Variants in STX16 observed in about 807,000 individuals in gnomAD.
STX16 encodes syntaxin 16.
Under a neutral mutation model 42.7 loss-of-function variants are expected in STX16, and 28 were observed. The observed-to-expected ratio is 0.66, with a 90% CI of 0.49 to 0.90. The LOEUF (loss-of-function observed/expected upper bound fraction) is 0.90, where lower values mean the gene tolerates loss of function less well. Ranked by LOEUF, STX16 falls within the 40% of genes least tolerant of loss-of-function variation. The probability of loss-of-function intolerance (pLI) is 0.00; values close to 1 mark genes in which losing one functional copy is unlikely to be tolerated. For missense variants in STX16, 361 were observed against 420.9 expected (o/e 0.86, Z 1.24); for synonymous variants, 156 against 155.2 (o/e 1.00, Z -0.04).
rs150415332 is a variant in STX16 at position 58,656,192 on chromosome 20, C to T, written c.133-3431C>T. On this transcript the variant is annotated intron_variant, in intron 1 of 8. Coordinates refer to ENST00000371141, the MANE Select transcript of STX16 (RefSeq NM_001001433.3). ...GTTAGGTGATTTCCAGCAGCCCTAT[C>T]GATTCAACAGTATTTTCTCAAGTTC... Among the ~76,000 whole-genome samples, 80 of 152,278 alleles carry T rather than the reference C, an allele frequency of 5.3e-4. 1 individual carries two copies. In the East Asian group the frequency reaches 0.013, roughly 25 times the overall value.
intron 8 of STX16, among the ~76,000 whole-genome samples, chr20:58,675,315 C>A (rs978434111): frequency 6.6e-6 from 1 of 152,258 alleles, no homozygotes; most frequent in African/African-American, 2.4e-5. Context: ...GCTGTCTCCT[C>A]CTCCCTCCTG....
At chr20:58,669,216 G>T in intron 4 of STX16, 75 bp from the exon 5 acceptor site, 1 of 1,513,032 alleles carries the variant, frequency 6.6e-7, no homozygotes. Flanking sequence ...TTCTCACTCT[G>T]GCTTGTGATG....
chr20:58,675,901 G>A (rs1284005837), intron 8 of STX16, among the ~76,000 whole-genome samples: 2 of 152,334 alleles, frequency 1.3e-5, no homozygotes, highest in Non-Finnish European at 1.5e-5. Flanking sequence ...AGCTGCACCC[G>A]GAAGCATGAG....
At chr20:58,670,919 G>C (rs969339837) in intron 6 of STX16, among the ~76,000 whole-genome samples, 1 of 152,200 alleles carries the variant, frequency 6.6e-6, no homozygotes, top group Non-Finnish European at 1.5e-5. Context: ...GTTGGCAGAC[G>C]TGGGCTTCTG....
At chr20:58,673,744 G>T in intron 8 of STX16, 33 bp downstream of exon 8, 1 of 1,486,222 alleles carries the variant, frequency 6.7e-7, no homozygotes, top group South Asian at 1.1e-5. Flanking sequence ...GGAATCTTAG[G>T]AACTATTTTC....
rs2083452825 is a variant in STX16 at position 58,651,510 on chromosome 20, G to T, written c.-497G>T. The T allele has an allele frequency of 6.4e-6, 1 of 155,770 alleles. No homozygotes were observed. Among genetic ancestry groups the T allele is most frequent in the African/African-American group, 2.4e-5 (1 of 41,502 alleles). 9.6% of individuals were successfully genotyped at this position (155,770 alleles called of 1,614,324 possible). A position where few individuals can be genotyped will look rare whatever the true frequency, so the allele number is the denominator to read the frequency against. On this transcript the variant is annotated 5_prime_UTR_variant, in exon 1 of 9. Transcript: ENST00000371141. ...CCAAGCCTGGCTCCGGTTGTCCAAAGAGGGCCTAGGCCAGGCCTCTGGTGC... is the reference window on the plus strand; with the variant it reads ...CCAAGCCTGGCTCCGGTTGTCCAAATAGGGCCTAGGCCAGGCCTCTGGTGC...
In STX16 at chr20:58,670,582, C is replaced by T. The variant is rs747478558; in HGVS notation, c.627C>T (p.Asp209=). ...DTSVPLMDDG[D]DNTLYHRGFT... is the part of the protein sequence containing the mutation. ...CAGTACCACTAATGGATGATGGAGA[C>T]GATAACACTCTTTACCATCGGGTAC... is the stretch of plus-strand genomic sequence containing the variant. Residue 209 remains aspartate, a synonymous_variant, in exon 6 of 9, where the codon GAC becomes GAT. Transcript: ENST00000371141. 1.7e-5 allele frequency: 28 copies of T among 1,613,898 alleles called. No homozygotes were observed. The highest frequency in any genetic ancestry group is 2.2e-5 in the South Asian group (2 of 91,076).
At chr20:58,662,819 G>A (rs774766973) in intron 2 of STX16, among the ~76,000 whole-genome samples, 23 of 152,196 alleles carry the variant, frequency 1.5e-4, no homozygotes, top group Non-Finnish European at 3.4e-4. Context: ...GAGCCACTGC[G>A]TCATCCTATG....
At position 58,651,849 on chromosome 20, in the gene STX16, C is replaced by T. The variant is rs1600977498; in HGVS notation, c.-158C>T. On this transcript the variant is annotated 5_prime_UTR_variant, in exon 1 of 9. Coordinates refer to ENST00000371141, the MANE Select transcript of STX16 (RefSeq NM_001001433.3). ...TTGGGGAGGGGTCTCTACGCCTTGG[C>T]GAAGCGCACAGCTGCATCTTTTTGG... The T allele has an allele frequency of 5.5e-6, 4 of 725,620 alleles. No homozygotes were observed. The highest frequency in any genetic ancestry group is 9.1e-6 in the Non-Finnish European group (4 of 437,730). The allele number at this position is 725,620 out of a possible 1,614,324, so 44.9% of individuals were successfully genotyped here.
chr20:58,659,784 AATATGTAGAATTTAATCT>A (rs2083657314), intron 2 of STX16, 150 bp downstream of exon 2: 1 of 798,184 alleles, frequency 1.3e-6, no homozygotes, highest in Non-Finnish European at 1.9e-6. Context: ...TTAACAGTTT[AATATGTAGAATTTAATCT>A]ATTTTCACAC....
At chr20:58,668,791 T>A (rs146961919) in intron 4 of STX16, among the ~76,000 whole-genome samples, 3,081 of 152,052 alleles carry the variant, frequency 0.02, 104 homozygotes, top group African/African-American at 0.071. Flanking sequence ...ATGAGAGGAA[T>A]GCAATAATAA....
Position 58,651,881 on chromosome 20 carries a change from G to C in STX16, c.-126G>C, listed in dbSNP as rs1265889175. ...CACAGCTGCATCTTTTTGGCTTGAG[G>C]CCTGAGGCCTTGTCGAGAAGCTTCC... On this transcript the variant is annotated 5_prime_UTR_variant, in exon 1 of 9. Coordinates refer to ENST00000371141, the MANE Select transcript of STX16 (RefSeq NM_001001433.3). 1 of 1,018,672 alleles carries C rather than the reference G, an allele frequency of 9.8e-7. No homozygotes were observed. Among genetic ancestry groups the C allele is most frequent in the Non-Finnish European group, 1.5e-6 (1 of 680,586 alleles). 63.1% of individuals were successfully genotyped at this position (1,018,672 alleles called of 1,614,324 possible).
rs757752845 is a variant in STX16 at position 58,667,977 on chromosome 20, A to G, written c.253-10A>G. 1.2e-6 allele frequency: 2 copies of G among 1,614,204 alleles called. No individual in the cohort carries two copies. Among genetic ancestry groups the G allele is most frequent in the Admixed American group, 1.7e-5 (1 of 60,024 alleles). Reference sequence around the variant, plus strand: ...GGCATCAGTGGAGTTCTGTGACTTCATTTGCTTAGATTCAGTATGATGTTG... The same window carrying G: ...GGCATCAGTGGAGTTCTGTGACTTCGTTTGCTTAGATTCAGTATGATGTTG... On this transcript the variant is annotated splice_polypyrimidine_tract_variant and intron_variant, in intron 3 of 8. Transcript: ENST00000371141.
At chr20:58,670,472 GT>G (rs2083941478) in intron 5 of STX16, 39 bp from the exon 6 acceptor site, 1 of 1,482,470 alleles carries the variant, frequency 6.7e-7, no homozygotes, top group African/African-American at 1.4e-5. Flanking sequence ...ACTCAGGATG[GT>G]TTACATATTC....
chr20:58,673,769 T>G, intron 8 of STX16, 58 bp downstream of exon 8: 1 of 1,262,398 alleles, frequency 7.9e-7, no homozygotes, highest in Non-Finnish European at 1.2e-6. Flanking sequence ...AATCAAGAAT[T>G]GGTAAGAGGG....
At chr20:58,664,550 C>T (rs2083771741) in intron 2 of STX16, among the ~76,000 whole-genome samples, 2 of 152,228 alleles carry the variant, frequency 1.3e-5, no homozygotes. Flanking sequence ...ATGTAGGAAT[C>T]TCTAATTAGC....
At chr20:58,662,430 A>G (rs1295459216) in intron 2 of STX16, among the ~76,000 whole-genome samples, 1 of 152,230 alleles carries the variant, frequency 6.6e-6, no homozygotes, top group Admixed American at 6.6e-5. Flanking sequence ...TAGTTGAGAA[A>G]AAAGGAAAAT....
chr20:58,661,578 A>C (rs2083700332), intron 2 of STX16, among the ~76,000 whole-genome samples: 1 of 152,344 alleles, frequency 6.6e-6, no homozygotes, highest in Middle Eastern at 3.4e-3. Context: ...CAGTGCCGTT[A>C]TCTTTTTCAT....
At chr20:58,675,222 G>A (rs1436033241) in intron 8 of STX16, among the ~76,000 whole-genome samples, 1 of 152,192 alleles carries the variant, frequency 6.6e-6, no homozygotes, top group East Asian at 1.9e-4. Context: ...CCTCCAGGTG[G>A]GCGGGCAGGC....
Sources: allele counts gnomAD v4.1 joint callset (sites outside exome capture counted in the v4.1 genomes callset), GRCh38; gene constraint gnomAD v4.1.1; transcripts MANE v1.5; gene names NCBI Gene and HGNC (gene_info 2026-07-23, HGNC 2026-07-21).